The following HIBCH variants were observed in gnomAD, a reference collection of about 807,000 sequenced individuals.
HIBCH encodes 3-hydroxyisobutyryl-CoA hydrolase, mitochondrial.
HIBCH carries 50 observed loss-of-function variants against 58.2 expected under a neutral mutation model. That is an observed-to-expected ratio of 0.86 (90% CI 0.68 to 1.09). HIBCH has a LOEUF of 1.09. HIBCH is among the 50% of genes least tolerant of loss of function. The probability of loss-of-function intolerance (pLI) is 0.00; values close to 1 mark genes in which losing one functional copy is unlikely to be tolerated. For missense variants in HIBCH, 450 were observed against 449.7 expected, an observed-to-expected ratio of 1.00 and a Z score of -0.01; for synonymous variants, 151 against 146.9, an observed-to-expected ratio of 1.03 and a Z score of -0.20.
rs1187778147 is a variant in HIBCH, at chr2:190,243,823, A to C, written c.891+1064T>G. Among the ~76,000 whole-genome samples the C allele has an allele frequency of 6.6e-6, 1 of 152,070 alleles. No individual in the cohort carries two copies. The highest frequency in any genetic ancestry group is 1.5e-5 in the Non-Finnish European group (1 of 68,014). On this transcript the variant is annotated intron_variant, in intron 11 of 13. Coordinates refer to ENST00000359678, the MANE Select transcript of HIBCH (RefSeq NM_014362.4). The surrounding 1 kb of genome is among the most constrained non-coding windows in gnomAD (Gnocchi z 4.1). Reference sequence around the variant, plus strand: ...TCTCTACAAAAAAATACAAAAAATTAGCCACCCGTGGTGGCACACGCCCGT... The same window carrying C: ...TCTCTACAAAAAAATACAAAAAATTCGCCACCCGTGGTGGCACACGCCCGT...
chr2:190,300,587 T>C (rs1039667167), intron 2 of HIBCH, among the ~76,000 whole-genome samples: 5 of 152,294 alleles, frequency 3.3e-5, no homozygotes, highest in Admixed American at 2.6e-4. Flanking sequence ...ATAGTTTGCA[T>C]GTTCTCCCAT....
intron 7 of HIBCH, among the ~76,000 whole-genome samples, chr2:190,258,584 T>G (rs547990248): frequency 6.6e-6 from 1 of 152,224 alleles, no homozygotes; most frequent in Non-Finnish European, 1.5e-5. Context: ...CTTGCATCAG[T>G]GTAGCCTGGA....
intron 10 of HIBCH, among the ~76,000 whole-genome samples, 165 bp downstream of exon 10, chr2:190,245,989 C>CAA (rs527873173): frequency 3.5e-3 from 210 of 60,148 alleles, no homozygotes; most frequent in African/African-American, 0.011. Flanking sequence ...GACTCTGTCT[C>CAA]AAAAAAAAAA....
intron 1 of HIBCH, among the ~76,000 whole-genome samples, chr2:190,318,353 G>C (rs1018651413): frequency 2.6e-5 from 4 of 152,152 alleles, no homozygotes; most frequent in Non-Finnish European, 4.4e-5. Context: ...AGCCAAGGGA[G>C]GCCAGAGTTC....
chr2:190,288,217 A>G (rs1241890842), intron 5 of HIBCH, among the ~76,000 whole-genome samples: 8 of 151,554 alleles, frequency 5.3e-5, no homozygotes, highest in Non-Finnish European at 5.9e-5. Flanking sequence ...GGGAACATTC[A>G]ATATCAAAGA....
chr2:190,277,006 ATTTT>A (rs1687569506), intron 6 of HIBCH, among the ~76,000 whole-genome samples: 1 of 152,104 alleles, frequency 6.6e-6, no homozygotes. Flanking sequence ...AATTAATTCC[ATTTT>A]TCCACAAACT....
In HIBCH at chr2:190,197,943, C is replaced by T; in HGVS notation, c.*17+7157G>A. 6.6e-6 allele frequency among the ~76,000 whole-genome samples: 1 copy of T among 152,136 alleles called. No homozygotes were observed. Among genetic ancestry groups the T allele is most frequent in the Non-Finnish European group, 1.5e-5 (1 of 68,026 alleles). On this transcript the variant is annotated intron_variant, in intron 1 of 1. Transcript: ENST00000399855. The surrounding 1 kb of genome is among the most constrained non-coding windows in gnomAD (Gnocchi z 4.0). ...GTAATTTTTTTCAGGTTAACCATGT[C>T]CAATTCCCTTAACCATCCCTCACAG...
At chr2:190,242,155 A>T (rs1447263509) in intron 11 of HIBCH, among the ~76,000 whole-genome samples, 1 of 151,864 alleles carries the variant, frequency 6.6e-6, no homozygotes, top group East Asian at 1.9e-4. Flanking sequence ...GGCTTTGTTC[A>T]TTCTTTTTCA....
chr2:190,240,619 C>T (rs1686423461), intron 11 of HIBCH, among the ~76,000 whole-genome samples: 1 of 152,136 alleles, frequency 6.6e-6, no homozygotes, highest in South Asian at 2.1e-4. Flanking sequence ...CTGATGTGGG[C>T]ATTTAGTGCT....
In HIBCH at chr2:190,204,000, C is replaced by T. The variant is rs1022442869; in HGVS notation, c.*1117G>A. Reference sequence around the variant, plus strand: ...TAAATTTTGTTTGTTAATTTATAAACTTACCTTTAAAATTAAACAAAAATT... The same window carrying T: ...TAAATTTTGTTTGTTAATTTATAAATTTACCTTTAAAATTAAACAAAAATT... On this transcript the variant is annotated 3_prime_UTR_variant, in exon 14 of 14. Coordinates refer to ENST00000359678, the MANE Select transcript of HIBCH (RefSeq NM_014362.4). The T allele has an allele frequency of 2.0e-5, 3 of 151,840 alleles. No individual in the cohort carries two copies. The highest frequency in any genetic ancestry group is 6.6e-5 in the Admixed American group (1 of 15,252). The allele number at this position is 151,840 out of a possible 1,614,324, so 9.4% of individuals were successfully genotyped here.
chr2:190,262,846 C>T (rs2664271), intron 6 of HIBCH, among the ~76,000 whole-genome samples: 44,048 of 151,594 alleles, frequency 0.29, 7,023 homozygotes, highest in East Asian at 0.45. Flanking sequence ...AAGATTTGAG[C>T]AAAAAGTTAT....
intron 11 of HIBCH, among the ~76,000 whole-genome samples, chr2:190,237,607 T>C (rs1381697676): frequency 6.6e-6 from 1 of 152,286 alleles, no homozygotes; most frequent in East Asian, 1.9e-4. Flanking sequence ...TATGTTTAAC[T>C]TTGTAAGAAA....
intron 1 of HIBCH, among the ~76,000 whole-genome samples, chr2:190,316,865 A>T (rs1313383640): frequency 1.3e-5 from 2 of 152,236 alleles, no homozygotes; most frequent in Non-Finnish European, 2.9e-5. Flanking sequence ...CAGAGGATGG[A>T]GGAGATGGAA....
Position 190,211,926 on chromosome 2 carries a change from A to C in HIBCH, c.1011+1030T>G, listed in dbSNP as rs1690519458. Among the ~76,000 whole-genome samples the C allele has an allele frequency of 6.6e-6, 1 of 152,208 alleles. No homozygotes were observed. Among genetic ancestry groups the C allele is most frequent in the Non-Finnish European group, 1.5e-5 (1 of 68,030 alleles). On this transcript the variant is annotated intron_variant, in intron 12 of 13. Coordinates refer to ENST00000359678, the MANE Select transcript of HIBCH (RefSeq NM_014362.4). This position sits in a 1 kb window ranked among gnomAD's most constrained non-coding sequence, Gnocchi z 5.0. ...CAGTGCACTAAAAGTGTAATGAAAAACATGGAATGTGTGAGGTATACAGGA... is the reference window on the plus strand; with the variant it reads ...CAGTGCACTAAAAGTGTAATGAAAACCATGGAATGTGTGAGGTATACAGGA...
At chr2:190,203,603 C>A (rs1690313276), downstream of HIBCH, 1 of 152,436 alleles carries the variant, frequency 6.6e-6, no homozygotes, top group Admixed American at 6.6e-5. Context: ...GAACAAAAAT[C>A]CATTTATACA....
rs986063959 is a variant in HIBCH, at chr2:190,207,621, C to T, written c.1045+1259G>A. ...CCAGGCTGGGCACGGTGGCTCATGCCTGTAATCACAGCACTTTGGGAGTCC... is the reference window on the plus strand; with the variant it reads ...CCAGGCTGGGCACGGTGGCTCATGCTTGTAATCACAGCACTTTGGGAGTCC... On this transcript the variant is annotated intron_variant, in intron 13 of 13. Transcript: ENST00000359678. This position sits in a 1 kb window ranked among gnomAD's most constrained non-coding sequence, Gnocchi z 4.5. Among the ~76,000 whole-genome samples the T allele has an allele frequency of 4.6e-5, 7 of 152,170 alleles. 1 individual carries two copies. The highest frequency in any genetic ancestry group is 1.7e-4 in the African/African-American group (7 of 41,430).
At chr2:190,258,717 C>T (rs577780589) in intron 7 of HIBCH, among the ~76,000 whole-genome samples, 2 of 152,248 alleles carry the variant, frequency 1.3e-5, no homozygotes, top group South Asian at 4.1e-4. Context: ...CGTCATTTTC[C>T]CATATGTTTT....
chr2:190,251,652 G>T, intron 8 of HIBCH: 3 of 253,712 alleles, frequency 1.2e-5, no homozygotes, highest in South Asian at 4.3e-5. Flanking sequence ...ATGTTATCCT[G>T]TGCTGAGAAA....
chr2:190,292,329 G>C (rs1207580645), intron 4 of HIBCH, among the ~76,000 whole-genome samples: 1 of 151,576 alleles, frequency 6.6e-6, no homozygotes, highest in East Asian at 1.9e-4. Flanking sequence ...TTTTTGAAAC[G>C]GAGTCTTGCC....
Sources: gnomAD v4.1 joint callset for allele counts (sites outside exome capture counted in the v4.1 genomes callset) on GRCh38, gnomAD v4.1.1 for gene constraint, Gnocchi (gnomAD v3.1) non-coding constraint, MANE v1.5 for transcripts, NCBI Gene and HGNC (gene_info 2026-07-23, HGNC 2026-07-21) for gene names.